PCDHGB2: variants seen among roughly 807,000 people sequenced by gnomAD.
PCDHGB2 encodes the protein protocadherin gamma-B2.
Under a neutral mutation model 59.3 loss-of-function variants are expected in PCDHGB2, and 55 were observed. That is an observed-to-expected ratio of 0.93 (90% CI 0.75 to 1.16). The LOEUF is 1.16. PCDHGB2 is among the 50% of genes most tolerant of loss of function. PCDHGB2 has a pLI of 0.00. For missense variants in PCDHGB2, 1,228 were observed against 1,198.5 expected, an observed-to-expected ratio of 1.02 and a Z score of -0.36; for synonymous variants, 516 against 512.0, an observed-to-expected ratio of 1.01 and a Z score of -0.11.
intron 1 of PCDHGB2, among the ~76,000 whole-genome samples, chr5:141,468,758 C>T (rs929005462): frequency 6.6e-5 from 10 of 151,684 alleles, no homozygotes; most frequent in African/African-American, 2.2e-4. Context: ...CCCAGCTACT[C>T]GGGAGGCTGA....
rs1407774111 is a variant in PCDHGB2 at position 141,431,569 on chromosome 5, C to G, written c.2422-63238C>G. On this transcript the variant is annotated intron_variant, in intron 1 of 3. Transcript: ENST00000522605. The surrounding 1 kb of genome is among the most constrained non-coding windows in gnomAD (Gnocchi z 4.8). Reference sequence around the variant, plus strand: ...TTGTAGTCAACGCTACCGACCCTGACGAAGGAGTCAATGCGGAAGTGAGGT... The same window carrying G: ...TTGTAGTCAACGCTACCGACCCTGAGGAAGGAGTCAATGCGGAAGTGAGGT... 5.6e-6 allele frequency: 9 copies of G among 1,614,000 alleles called. No homozygotes were observed. Among genetic ancestry groups the G allele is most frequent in the African/African-American group, 2.7e-5 (2 of 74,932 alleles).
chr5:141,389,081 G>C (rs371979686), intron 1 of PCDHGB2: 2 of 1,613,978 alleles, frequency 1.2e-6, no homozygotes, highest in Admixed American at 1.7e-5. Flanking sequence ...CAAGAAACAC[G>C]TATAAATTAG....
At position 141,476,128 on chromosome 5, in the gene PCDHGB2, G is replaced by A. The variant is rs1450094771; in HGVS notation, c.2422-18679G>A. 1 of 1,606,456 alleles carries A rather than the reference G, an allele frequency of 6.2e-7. No homozygotes were observed. Among genetic ancestry groups the A allele is most frequent in the African/African-American group, 1.3e-5 (1 of 74,874 alleles). On this transcript the variant is annotated intron_variant, in intron 1 of 3. Transcript: ENST00000522605. The surrounding 1 kb of genome is among the most constrained non-coding windows in gnomAD (Gnocchi z 7.6). ...TGCTTTTGAGTGAGATGGTCCCAGA[G>A]GCCTGGAGGAGCGGACTGGTAAGCA...
intron 1 of PCDHGB2, chr5:141,398,763 G>C (rs767181565): frequency 3.7e-6 from 6 of 1,613,788 alleles, no homozygotes; most frequent in Non-Finnish European, 5.1e-6. Flanking sequence ...GTTTAGTCCT[G>C]ACTGCCTTGG....
chr5:141,437,664 A>G (rs10035418), intron 1 of PCDHGB2, among the ~76,000 whole-genome samples: 45,525 of 151,942 alleles, frequency 0.3, 8,040 homozygotes, highest in African/African-American at 0.5. Context: ...AGTTTCGAAG[A>G]GATGTTGATC....
At chr5:141,405,603 T>A in intron 1 of PCDHGB2, 1 of 571,444 alleles carries the variant, frequency 1.7e-6, no homozygotes, top group Non-Finnish European at 3.1e-6. Flanking sequence ...CCAAGTAGAA[T>A]AACTGGGACT....
chr5:141,491,794 TCCGG>T lies in PCDHGB2; in HGVS notation c.2422-3007_2422-3004del. The T allele has an allele frequency of 6.6e-7, 1 of 1,511,056 alleles. No homozygotes were observed. The highest frequency in any genetic ancestry group is 8.8e-7 in the Non-Finnish European group (1 of 1,130,146). 93.6% of individuals were successfully genotyped at this position (1,511,056 alleles called of 1,614,324 possible). A position where few individuals can be genotyped will look rare whatever the true frequency, so the allele number is the denominator to read the frequency against. Reference sequence around the variant, plus strand: ...GGGATTGAACTTGCATCCACTCCTCTCCGGCCGGCTTGGTCGCTGGCTGCGCTCC... The same window carrying T: ...GGGATTGAACTTGCATCCACTCCTCTCCGGCTTGGTCGCTGGCTGCGCTCC... On this transcript the variant is annotated intron_variant, in intron 1 of 3. Transcript: ENST00000522605. The surrounding 1 kb of genome is among the most constrained non-coding windows in gnomAD (Gnocchi z 6.9).
At position 141,389,010 on chromosome 5, in the gene PCDHGB2, C is replaced by G. The variant is rs141101630; in HGVS notation, c.2421+26454C>G. ...CAAAGTCCGTGACAAGGATTCCAGA[C>G]ACAATGGAGAAGTGACTTGTAAATT... On this transcript the variant is annotated intron_variant, in intron 1 of 3. Transcript: ENST00000522605. 227 of 1,613,980 alleles carry G rather than the reference C, an allele frequency of 1.4e-4. 1 individual carries two copies. In the African/African-American group the frequency reaches 2.6e-3, roughly 18 times the overall value.
rs1407016089 is a variant in PCDHGB2 at position 141,489,914 on chromosome 5, C to T, written c.2422-4893C>T. On this transcript the variant is annotated intron_variant, in intron 1 of 3. Coordinates refer to ENST00000522605, the MANE Select transcript of PCDHGB2 (RefSeq NM_018923.3). The surrounding 1 kb of genome is among the most constrained non-coding windows in gnomAD (Gnocchi z 4.5). Reference sequence around the variant, plus strand: ...GGGGGGACCCCAGCCCGCTCAGGGACCACCCTTATCTCTGTCATCGTGCTG... The same window carrying T: ...GGGGGGACCCCAGCCCGCTCAGGGATCACCCTTATCTCTGTCATCGTGCTG... 3 of 1,614,094 alleles carry T rather than the reference C, an allele frequency of 1.9e-6. No individual in the cohort carries two copies. Among genetic ancestry groups the T allele is most frequent in the African/African-American group, 2.7e-5 (2 of 74,936 alleles).
chr5:141,491,114 C>T lies in PCDHGB2; in HGVS notation c.2422-3693C>T, dbSNP rs1240431232. 1 of 1,614,104 alleles carries T rather than the reference C, an allele frequency of 6.2e-7. No homozygotes were observed. Among genetic ancestry groups the T allele is most frequent in the Admixed American group, 1.7e-5 (1 of 60,012 alleles). ...GGACTGTTCCTCGTGTCTACACACA[C>T]TGGTGAGGTGCGCACAGCCCGGGCC... On this transcript the variant is annotated intron_variant, in intron 1 of 3. Transcript: ENST00000522605. The surrounding 1 kb of genome is among the most constrained non-coding windows in gnomAD (Gnocchi z 6.9).
chr5:141,395,157 C>T (rs1217678334), intron 1 of PCDHGB2: 4 of 1,614,174 alleles, frequency 2.5e-6, no homozygotes, highest in Admixed American at 1.7e-5. Context: ...GCTCATCAGT[C>T]AGGAGGGCTG....
chr5:141,419,123 A>G (rs2096330317), intron 1 of PCDHGB2: 1 of 1,613,766 alleles, frequency 6.2e-7, no homozygotes, highest in African/African-American at 1.3e-5. Context: ...CAACGTCACC[A>G]TCGCAGCCAC....
Position 141,366,189 on chromosome 5 carries a change from G to A in PCDHGB2, c.2421+3633G>A, listed in dbSNP as rs1488464749. ...AGCGAGCCAGGACTCTTTGCGGTTG[G>A]GCTGCACACGGGCGAGGTGCGCACA... On this transcript the variant is annotated intron_variant, in intron 1 of 3. Coordinates refer to ENST00000522605, the MANE Select transcript of PCDHGB2 (RefSeq NM_018923.3). 14 of 1,613,804 alleles carry A rather than the reference G, an allele frequency of 8.7e-6. No homozygotes were observed. In the Middle Eastern group the frequency reaches 9.9e-4, roughly 114 times the overall value.
At position 141,487,382 on chromosome 5, in the gene PCDHGB2, T is replaced by A. The variant is rs755316738; in HGVS notation, c.2422-7425T>A. 6.2e-7 allele frequency: 1 copy of A among 1,614,172 alleles called. No individual in the cohort carries two copies. The highest frequency in any genetic ancestry group is 2.2e-5 in the East Asian group (1 of 44,854). On this transcript the variant is annotated intron_variant, in intron 1 of 3. Transcript: ENST00000522605. The surrounding 1 kb of genome is among the most constrained non-coding windows in gnomAD (Gnocchi z 5.0). ...TGGCACCTGTGCCTGTCTCACCAGA[T>A]CTCGAAGGAGGGAGGGGCTTCCCCC...
intron 1 of PCDHGB2, among the ~76,000 whole-genome samples, chr5:141,438,792 G>T (rs2098065674): frequency 6.7e-6 from 1 of 149,346 alleles, no homozygotes. Flanking sequence ...CTCTCCAGTA[G>T]CTGGGATTAC....
chr5:141,429,572 T>C (rs1450720834), intron 1 of PCDHGB2, among the ~76,000 whole-genome samples: 1 of 152,226 alleles, frequency 6.6e-6, no homozygotes, highest in South Asian at 2.1e-4. Context: ...TTCAGTTACA[T>C]TTACTTTTGA....
intron 1 of PCDHGB2, among the ~76,000 whole-genome samples, chr5:141,483,599 G>A (rs1419379218): frequency 6.6e-6 from 1 of 152,048 alleles, no homozygotes; most frequent in African/African-American, 2.4e-5. Flanking sequence ...GGTCAGGCTG[G>A]TTTACACCTC....
chr5:141,419,013 G>A, intron 1 of PCDHGB2: 2 of 1,613,958 alleles, frequency 1.2e-6, no homozygotes, highest in South Asian at 2.2e-5. Flanking sequence ...GTCAGGTGTA[G>A]CTTAAGTAGA....
chr5:141,372,626 C>A lies in PCDHGB2; in HGVS notation c.2421+10070C>A, dbSNP rs1385028650. Reference sequence around the variant, plus strand: ...TACCTGGAGTTCTCCCCACCTACAGCGAAAGGACTTTGCCTTATTCCTACA... The same window carrying A: ...TACCTGGAGTTCTCCCCACCTACAGAGAAAGGACTTTGCCTTATTCCTACA... On this transcript the variant is annotated intron_variant, in intron 1 of 3. Coordinates refer to ENST00000522605, the MANE Select transcript of PCDHGB2 (RefSeq NM_018923.3). 5 of 1,613,792 alleles carry A rather than the reference C, an allele frequency of 3.1e-6. No individual in the cohort carries two copies. The African/African-American group carries it at 6.7e-5, about 22-fold the overall frequency.
Sources: gnomAD v4.1 joint callset for allele counts (sites outside exome capture counted in the v4.1 genomes callset) on GRCh38, gnomAD v4.1.1 for gene constraint, Gnocchi (gnomAD v3.1) non-coding constraint, MANE v1.5 for transcripts, NCBI Gene and HGNC (gene_info 2026-07-23, HGNC 2026-07-21) for gene names.